The following TGM4 variants were observed in gnomAD, a reference collection of about 807,000 sequenced individuals.
The protein encoded by TGM4 is protein-glutamine gamma-glutamyltransferase 4.
A neutral mutation model predicts 76.3 loss-of-function variants in TGM4; 61 were observed. The observed-to-expected ratio is 0.80, with a 90% CI of 0.65 to 0.99. The LOEUF (loss-of-function observed/expected upper bound fraction) is 0.99, where lower values mean the gene tolerates loss of function less well. Ranked by LOEUF, TGM4 falls within the 50% of genes least tolerant of loss-of-function variation. The pLI, the probability that TGM4 is intolerant of heterozygous loss-of-function variation, is 0.00. For missense variants in TGM4, 794 were observed against 843.2 expected (o/e 0.94, Z 0.72); for synonymous variants, 337 against 329.8 (o/e 1.02, Z -0.24).
In TGM4 at chr3:44,914,438, G is replaced by A. The variant is rs1210102399; in HGVS notation, c.*713G>A. On this transcript the variant is annotated 3_prime_UTR_variant, in exon 14 of 14. Coordinates refer to ENST00000296125, the MANE Select transcript of TGM4 (RefSeq NM_003241.4). ...CCCCTTGGGAGACTCCAGGGAGAAG[G>A]CATTGCTTCCTCCCTGGTGTGAACT... is the stretch of plus-strand genomic sequence containing the variant. 6.6e-6 allele frequency: 1 copy of A among 152,142 alleles called. No homozygotes were observed. The highest frequency in any genetic ancestry group is 1.5e-5 in the Non-Finnish European group (1 of 68,046). The allele number at this position is 152,142 out of a possible 1,614,324, so 9.4% of individuals were successfully genotyped here.
In TGM4 at chr3:44,903,000, G is replaced by GA. The variant is rs939333471; in HGVS notation, c.972-878dup. Among the ~76,000 whole-genome samples, 5 of 152,250 alleles carry GA rather than the reference G, an allele frequency of 3.3e-5. No homozygotes were observed. The South Asian group carries it at 6.2e-4, about 19-fold the overall frequency. On this transcript the variant is annotated intron_variant, in intron 8 of 13. Transcript: ENST00000296125. Reference sequence around the variant, plus strand: ...CGTTCTAGTTCACGTACCAAGATGAGAAAAAACAGAAAGACTTGAAACTTT... The same window carrying GA: ...CGTTCTAGTTCACGTACCAAGATGAGAAAAAAACAGAAAGACTTGAAACTTT...
At chr3:44,879,586 A>G (rs934037112) in intron 1 of TGM4, among the ~76,000 whole-genome samples, 2 of 149,314 alleles carry the variant, frequency 1.3e-5, no homozygotes, top group African/African-American at 4.9e-5. Flanking sequence ...CATTCTCCCG[A>G]CTCAGCCTCC....
chr3:44,875,457 T>C (rs1699439068), intron 1 of TGM4, among the ~76,000 whole-genome samples: 1 of 152,166 alleles, frequency 6.6e-6, no homozygotes. Context: ...GCAGTGTCAT[T>C]GCTTCTCAGA....
At chr3:44,911,823 T>A (rs1001878194) in intron 13 of TGM4, among the ~76,000 whole-genome samples, 4 of 152,326 alleles carry the variant, frequency 2.6e-5, no homozygotes, top group South Asian at 2.1e-4. Flanking sequence ...TTCAATTTTT[T>A]AAATTTGATT....
chr3:44,880,341 A>C (rs2125746884), intron 1 of TGM4, among the ~76,000 whole-genome samples: 1 of 152,352 alleles, frequency 6.6e-6, no homozygotes, highest in Middle Eastern at 3.4e-3. Flanking sequence ...GTTTCTGCCT[A>C]TGAGCCAAGG....
At chr3:44,885,531 G>T in intron 2 of TGM4, 33 bp downstream of exon 2, 11 of 1,593,874 alleles carry the variant, frequency 6.9e-6, no homozygotes, top group Non-Finnish European at 9.4e-6. Context: ...ATGGGGCTTT[G>T]GGGAGGGATC....
At chr3:44,888,274 C>G (rs545003872) in intron 3 of TGM4, 1 of 166,940 alleles carries the variant, frequency 6.0e-6, no homozygotes. Context: ...TTTGGGAGCA[C>G]TGGGTGTTCA....
chr3:44,914,811 C>T lies in TGM4; in HGVS notation c.*1086C>T, dbSNP rs1287367442. The T allele has an allele frequency of 1.3e-5, 2 of 152,104 alleles. No individual in the cohort carries two copies. Among genetic ancestry groups the T allele is most frequent in the African/African-American group, 2.4e-5 (1 of 41,374 alleles). The allele number at this position is 152,104 out of a possible 1,614,324, so 9.4% of individuals were successfully genotyped here. On this transcript the variant is annotated 3_prime_UTR_variant, in exon 14 of 14. Coordinates refer to ENST00000296125, the MANE Select transcript of TGM4 (RefSeq NM_003241.4). The stretch of plus-strand genomic sequence containing the variant: ...CTGGATACACACCCTGGCAAAGGCA[C>T]GTAGCTTGAATGAGGGTTATTTTGT...
At chr3:44,887,823 GC>G in intron 3 of TGM4, 28 bp downstream of exon 3, 1 of 1,600,960 alleles carries the variant, frequency 6.2e-7, no homozygotes, top group Non-Finnish European at 8.6e-7. Flanking sequence ...TGGCGGGTGG[GC>G]TGGCTGGCTT....
At position 44,885,364 on chromosome 3, in the gene TGM4, A is replaced by G. The variant is rs1699588324; in HGVS notation, c.59A>G (p.Asn20Ser). 1 of 1,613,474 alleles carries G rather than the reference A, an allele frequency of 6.2e-7. No individual in the cohort carries two copies. The highest frequency in any genetic ancestry group is 8.5e-7 in the Non-Finnish European group (1 of 1,179,630). Residue 20 changes from asparagine (N) to serine (S), a missense_variant, in exon 2 of 14, where the codon AAC becomes AGC. Asn to Ser is a conservative substitution (Grantham distance 46). Transcript: ENST00000296125. ...CACATTGACTTCTTGAATCAGGACA[A>G]CGCCGTTTCTCACCACACATGGGAG... The part of the protein sequence containing the change: ...VLHIDFLNQD[N>S]AVSHHTWEFQ...
intron 9 of TGM4, among the ~76,000 whole-genome samples, chr3:44,905,081 T>C (rs544081346): frequency 8.5e-5 from 13 of 152,208 alleles, no homozygotes; most frequent in South Asian, 2.1e-4. Flanking sequence ...GCCTCCCAGG[T>C]TAAAGTGATT....
chr3:44,881,054 C>CAAAAAA (rs200893780), intron 1 of TGM4, among the ~76,000 whole-genome samples: 2,977 of 152,180 alleles, frequency 0.02, 51 homozygotes, highest in Middle Eastern at 0.065. Flanking sequence ...TTCATCACCA[C>CAAAAAA]TATGAAGTGC....
chr3:44,883,786 C>T (rs1699563182), intron 1 of TGM4, among the ~76,000 whole-genome samples: 1 of 152,214 alleles, frequency 6.6e-6, no homozygotes, highest in African/African-American at 2.4e-5. Flanking sequence ...TGTCTCCAAA[C>T]ACATCACTGG....
At chr3:44,906,814 T>C in intron 9 of TGM4, 135 bp from the exon 10 acceptor site, 2 of 1,108,780 alleles carry the variant, frequency 1.8e-6, no homozygotes, top group Non-Finnish European at 2.6e-6. Context: ...GCCTAGGAAA[T>C]GAGTACCCAG....
At chr3:44,880,390 C>T (rs1699516058) in intron 1 of TGM4, among the ~76,000 whole-genome samples, 1 of 152,198 alleles carries the variant, frequency 6.6e-6, no homozygotes, top group Non-Finnish European at 1.5e-5. Context: ...GGGGGAATCC[C>T]AGACCTCTAC....
rs1482264523 is a variant in TGM4 at position 44,885,305 on chromosome 3, A to G, written c.20-20A>G. The G allele has an allele frequency of 8.2e-6, 13 of 1,590,728 alleles. No homozygotes were observed. Among genetic ancestry groups the G allele is most frequent in the Admixed American group, 5.1e-5 (3 of 59,036 alleles). ...AACATTCTCTGTGCTCTCTTTCCACATGTGCTGCGTTGCTGACAGAGCTGC... is the reference window on the plus strand; with the variant it reads ...AACATTCTCTGTGCTCTCTTTCCACGTGTGCTGCGTTGCTGACAGAGCTGC... On this transcript the variant is annotated intron_variant, in intron 1 of 13. Coordinates refer to ENST00000296125, the MANE Select transcript of TGM4 (RefSeq NM_003241.4).
In TGM4 at chr3:44,913,619, T is replaced by C. The variant is rs151328981; in HGVS notation, c.1949T>C (p.Ile650Thr). 1.9e-6 allele frequency: 3 copies of C among 1,614,038 alleles called. No homozygotes were observed. The highest frequency in any genetic ancestry group is 2.7e-5 in the African/African-American group (2 of 74,912). Residue 650 changes from isoleucine to threonine, a missense_variant, in exon 14 of 14, where the codon ATA becomes ACA. Coordinates refer to ENST00000296125, the MANE Select transcript of TGM4 (RefSeq NM_003241.4). ...CCTGGTGAGACCATCCAATCCCAAA[T>C]AAAATGCACCCCAATAAAAACTGGA... ...VQPGETIQSQ[I>T]KCTPIKTGPK...
chr3:44,880,550 G>A (rs1257274810), intron 1 of TGM4, among the ~76,000 whole-genome samples: 1 of 152,124 alleles, frequency 6.6e-6, no homozygotes, highest in Non-Finnish European at 1.5e-5. Flanking sequence ...TGGGGGGTGG[G>A]GGAATGTGAT....
intron 5 of TGM4, among the ~76,000 whole-genome samples, chr3:44,896,025 A>G (rs962426002): frequency 3.9e-5 from 6 of 152,230 alleles, no homozygotes; most frequent in Non-Finnish European, 5.9e-5. Context: ...TTATTCTATT[A>G]TCTATTACTA....
Sources: gnomAD v4.1 joint callset for allele counts (sites outside exome capture counted in the v4.1 genomes callset) on GRCh38, gnomAD v4.1.1 for gene constraint, MANE v1.5 for transcripts, NCBI Gene and HGNC (gene_info 2026-07-23, HGNC 2026-07-21) for gene names.